The following DEUP1 variants were observed in gnomAD, a reference collection of about 807,000 sequenced individuals.
DEUP1 encodes deuterosome assembly protein 1.
DEUP1 carries 82 observed loss-of-function variants against 87.4 expected under a neutral mutation model. The observed-to-expected ratio is 0.94, with a 90% confidence interval of 0.78 to 1.13. DEUP1 has a LOEUF of 1.13. Among genes scored for constraint, DEUP1 ranks in the 50% most tolerant of loss-of-function variants. The probability of loss-of-function intolerance (pLI) is 0.00; values close to 1 mark genes in which losing one functional copy is unlikely to be tolerated. For synonymous variants in DEUP1, 214 were observed against 222.7 expected (o/e 0.96, Z 0.35); for missense variants, 663 against 681.5 (o/e 0.97, Z 0.30).
At chr11:93,393,004 T>TCTCCTCCTCCTCCTCTGAGCCCTC in intron 9 of DEUP1, among the ~76,000 whole-genome samples, 1 of 124,856 alleles carries the variant, frequency 8.0e-6, no homozygotes, top group South Asian at 2.9e-4. Context: ...CCTCCTTCTT[T>TCTCCTCCTCCTCCTCTGAGCCCTC]CTCCTCCTCC....
At chr11:93,377,776 A>G (rs2134294477) in intron 7 of DEUP1, among the ~76,000 whole-genome samples, 1 of 152,192 alleles carries the variant, frequency 6.6e-6, no homozygotes, top group South Asian at 2.1e-4. Flanking sequence ...CAAGATTTAG[A>G]GTGCCTTTTA....
At chr11:93,427,887 A>G (rs1214957092) in intron 13 of DEUP1, among the ~76,000 whole-genome samples, 2 of 45,120 alleles carry the variant, frequency 4.4e-5, no homozygotes, top group Non-Finnish European at 8.4e-5. Context: ...GCTCATCATC[A>G]CTGCATCAGA....
Position 93,357,753 on chromosome 11 carries a change from C to T in DEUP1, c.297+710C>T, listed in dbSNP as rs191927882. Among the ~76,000 whole-genome samples, 151 of 152,232 alleles carry T rather than the reference C, an allele frequency of 9.9e-4. 5 individuals carry two copies. Among genetic ancestry groups the T allele is most frequent in the Admixed American group, 9.8e-3 (150 of 15,294 alleles). On this transcript the variant is annotated intron_variant, in intron 4 of 13. Transcript: ENST00000298050. ...CTTTTTTTGGAGTACAAATATTTCA[C>T]ATATGATAATTTAATTAAAGGAGCC...
intron 2 of DEUP1, chr11:93,352,478 T>C (rs1378001726): frequency 4.4e-6 from 3 of 678,706 alleles, no homozygotes; most frequent in Admixed American, 2.1e-5. Context: ...AGCATTTTGT[T>C]TGAAACTCAA....
Position 93,370,062 on chromosome 11 carries a change from C to A in DEUP1, c.433-11C>A, listed in dbSNP as rs779631543. The A allele has an allele frequency of 1.3e-5, 19 of 1,466,720 alleles. No homozygotes were observed. The South Asian group carries it at 2.3e-4, about 18-fold the overall frequency. 90.9% of individuals were successfully genotyped at this position (1,466,720 alleles called of 1,614,324 possible). On this transcript the variant is annotated splice_polypyrimidine_tract_variant and intron_variant, in intron 5 of 13. Coordinates refer to ENST00000298050, the MANE Select transcript of DEUP1 (RefSeq NM_181645.4). ...ATTTTTAAATATGTTTGTCTCCCCA[C>A]TTTTTAAAAGGAATTTAGAGCAAAG...
At position 93,437,715 on chromosome 11, in the gene DEUP1, T is replaced by A; in HGVS notation, c.1811T>A (p.Ile604Lys). Residue 604 changes from isoleucine to lysine, a missense_variant, in exon 14 of 14, where the codon ATA (isoleucine) becomes AAA (lysine). Transcript: ENST00000298050. Reference sequence around the variant, plus strand: ...TCCAAGCTAAAACAAAATAGACACATATGAGCTTTTAAACTTTTTTATTTG... The same window carrying A: ...TCCAAGCTAAAACAAAATAGACACAAATGAGCTTTTAAACTTTTTTATTTG... ...KYSKLKQNRH[I>K] 6.4e-7 allele frequency: 1 copy of A among 1,567,954 alleles called. No individual in the cohort carries two copies. Among genetic ancestry groups the A allele is most frequent in the Non-Finnish European group, 8.7e-7 (1 of 1,143,924 alleles).
rs968942111 is a variant in DEUP1 at position 93,355,360 on chromosome 11, A to G, written c.30-11A>G. ...ACTTTAAAATGTATTTTACTTTCCT[A>G]CAATTGCCAGAACTTCTCCTTGTGA... On this transcript the variant is annotated splice_polypyrimidine_tract_variant and intron_variant, in intron 2 of 13. Transcript: ENST00000298050. 11 of 1,610,896 alleles carry G rather than the reference A, an allele frequency of 6.8e-6. No individual in the cohort carries two copies. The African/African-American group carries it at 1.2e-4, about 18-fold the overall frequency.
At chr11:93,350,692 G>A (rs1373124822) in intron 2 of DEUP1, among the ~76,000 whole-genome samples, 2 of 151,978 alleles carry the variant, frequency 1.3e-5, no homozygotes, top group East Asian at 3.9e-4. Flanking sequence ...GCTCACACCT[G>A]TAACCCCAGC....
intron 13 of DEUP1, among the ~76,000 whole-genome samples, chr11:93,430,957 G>A (rs1022471652): frequency 1.1e-4 from 16 of 151,932 alleles, no homozygotes; most frequent in African/African-American, 3.6e-4. Context: ...TTGGCTGGGC[G>A]TGGTGGCACA....
At chr11:93,375,710 A>T (rs1166132075) in intron 7 of DEUP1, among the ~76,000 whole-genome samples, 1 of 152,118 alleles carries the variant, frequency 6.6e-6, no homozygotes, top group Non-Finnish European at 1.5e-5. Flanking sequence ...GGGTTTTTGC[A>T]TCTATGTTCA....
chr11:93,330,446 G>C (rs1334823321), upstream of DEUP1, among the ~76,000 whole-genome samples: 1 of 152,220 alleles, frequency 6.6e-6, no homozygotes. Context: ...ATAACTGCGG[G>C]ACAGCGAGGT....
At chr11:93,385,664 G>GTGGGTAATA (rs1946509836) in intron 8 of DEUP1, 121 bp downstream of exon 8, 1 of 635,922 alleles carries the variant, frequency 1.6e-6, no homozygotes, top group Non-Finnish European at 2.4e-6. Flanking sequence ...ATGTTAATTA[G>GTGGGTAATA]TGGGTAATAT....
chr11:93,373,131 G>C (rs771123407), intron 7 of DEUP1, among the ~76,000 whole-genome samples: 1 of 152,210 alleles, frequency 6.6e-6, no homozygotes, highest in Non-Finnish European at 1.5e-5. Context: ...TAAGAAAATT[G>C]TTGTTCTTGG....
chr11:93,347,762 C>T (rs7122902), intron 2 of DEUP1, among the ~76,000 whole-genome samples: 47,789 of 151,846 alleles, frequency 0.31, 8,412 homozygotes, highest in Non-Finnish European at 0.42. Context: ...TTTTTTTAGG[C>T]GGAGTCTTGC....
At position 93,396,266 on chromosome 11, in the gene DEUP1, A is replaced by G. The variant is rs1489288647; in HGVS notation, c.1267A>G (p.Arg423Gly). The G allele has an allele frequency of 6.3e-7, 1 of 1,585,292 alleles. No homozygotes were observed. Among genetic ancestry groups the G allele is most frequent in the South Asian group, 1.2e-5 (1 of 85,618 alleles). ...CTCAGATATGAAATATAAAGCTGTC[A>G]GAACTGAAAACACACATCTAAAAGG... ...KVSDMKYKAVRTENTHLKGMM... is the reference protein window; with the variant it reads ...KVSDMKYKAVGTENTHLKGMM... Residue 423 changes from arginine (R) to glycine (G), a missense_variant, in exon 11 of 14, where the codon AGA (arginine) becomes GGA (glycine). Arg to Gly is a moderately radical substitution (Grantham distance 125). Coordinates refer to ENST00000298050, the MANE Select transcript of DEUP1 (RefSeq NM_181645.4).
At chr11:93,368,061 C>T (rs1049955934) in intron 5 of DEUP1, among the ~76,000 whole-genome samples, 10 of 152,220 alleles carry the variant, frequency 6.6e-5, no homozygotes, top group African/African-American at 2.2e-4. Flanking sequence ...AGAGCTATAT[C>T]CTTTGCTCAT....
At position 93,371,291 on chromosome 11, in the gene DEUP1, A is replaced by AT; in HGVS notation, c.789+19dup. 2 of 1,605,276 alleles carry AT rather than the reference A, an allele frequency of 1.2e-6. No homozygotes were observed. The highest frequency in any genetic ancestry group is 1.7e-6 in the Non-Finnish European group (2 of 1,176,318). On this transcript the variant is annotated intron_variant, in intron 7 of 13. Transcript: ENST00000298050. ...CAAAGACAGTGCCAGGTGAAGATTA[A>AT]TTTTTTTTCAACTAATATTGTCCAT...
intron 11 of DEUP1, among the ~76,000 whole-genome samples, chr11:93,398,204 T>TA (rs1370545232): frequency 6.6e-6 from 1 of 152,190 alleles, no homozygotes; most frequent in African/African-American, 2.4e-5. Context: ...CACTCAACAG[T>TA]ATCCCTTGGA....
intron 4 of DEUP1, among the ~76,000 whole-genome samples, chr11:93,362,080 G>A (rs1230665373): frequency 2.0e-5 from 3 of 151,930 alleles, no homozygotes; most frequent in African/African-American, 7.2e-5. Context: ...ATGGATCAAA[G>A]ATCCAAATGT....
Sources: gnomAD v4.1 joint callset for allele counts (sites outside exome capture counted in the v4.1 genomes callset) on GRCh38, gnomAD v4.1.1 for gene constraint, MANE v1.5 for transcripts, NCBI Gene and HGNC (gene_info 2026-07-23, HGNC 2026-07-21) for gene names.